The following SMIM35 variants were observed in gnomAD, a reference collection of about 807,000 sequenced individuals.
SMIM35 encodes the protein small integral membrane protein 35.
At chr11:118,050,726 G>A (rs544833219) in intron 1 of SMIM35, among the ~76,000 whole-genome samples, 1 of 152,316 alleles carries the variant, frequency 6.6e-6, no homozygotes, top group South Asian at 2.1e-4. Flanking sequence ...GGGTTGCTTT[G>A]ATTGGTTGCA....
intron 1 of SMIM35, among the ~76,000 whole-genome samples, chr11:118,065,990 A>T (rs1378447039): frequency 6.6e-6 from 1 of 152,050 alleles, no homozygotes; most frequent in African/African-American, 2.4e-5. Context: ...TTTACTCATC[A>T]TGACCATGAC....
At chr11:118,054,911 C>T (rs1278810603) in intron 1 of SMIM35, among the ~76,000 whole-genome samples, 1 of 151,238 alleles carries the variant, frequency 6.6e-6, no homozygotes, top group East Asian at 1.9e-4. Context: ...TCAAGCGATT[C>T]TCCTACCTCA....
rs556299232 is a variant in SMIM35 at position 118,044,966 on chromosome 11, G to A, written c.8-29157C>T. Among the ~76,000 whole-genome samples, 12 of 152,090 alleles carry A rather than the reference G, an allele frequency of 7.9e-5. No homozygotes were observed. In the East Asian group the frequency reaches 9.6e-4, roughly 12 times the overall value. On this transcript the variant is annotated intron_variant, in intron 1 of 4. Coordinates refer to ENST00000689828, the MANE Select transcript of SMIM35 (RefSeq NM_001394165.1). The stretch of plus-strand genomic sequence containing the variant: ...GAAGAAGCAAGCAGCACAACCCCCT[G>A]GAAGATTAGCAACACATCAAACAAA...
intron 4 of SMIM35, 88 bp from the exon 5 acceptor site, chr11:118,006,464 A>G (rs559643405): frequency 9.8e-5 from 15 of 152,348 alleles, no homozygotes; most frequent in Admixed American, 3.3e-4. Flanking sequence ...TACATGCAGT[A>G]CTGACTGTAG....
At chr11:118,035,643 G>A (rs1591289296) in intron 1 of SMIM35, among the ~76,000 whole-genome samples, 1 of 152,100 alleles carries the variant, frequency 6.6e-6, no homozygotes, top group Non-Finnish European at 1.5e-5. Flanking sequence ...CCCTCCTCAG[G>A]TGTGGAGGAG....
chr11:118,085,864 A>G (rs4938477), intron 1 of SMIM35, among the ~76,000 whole-genome samples: 55,775 of 152,048 alleles, frequency 0.37, 10,514 homozygotes, highest in South Asian at 0.52. Context: ...AGGTGGGCTC[A>G]GATGGACCCA....
chr11:118,019,165 C>G (rs774320073), intron 1 of SMIM35, among the ~76,000 whole-genome samples: 3 of 152,146 alleles, frequency 2.0e-5, no homozygotes, highest in Non-Finnish European at 2.9e-5. Context: ...TGTTTTCAAA[C>G]TTTATGAAAA....
intron 1 of SMIM35, among the ~76,000 whole-genome samples, chr11:118,046,729 T>G (rs1052717587): frequency 1.3e-5 from 2 of 152,126 alleles, no homozygotes; most frequent in Non-Finnish European, 2.9e-5. Context: ...AATTTGTAAT[T>G]TTCAATAAGC....
chr11:118,010,820 T>C (rs2058146217), intron 4 of SMIM35, among the ~76,000 whole-genome samples: 1 of 152,142 alleles, frequency 6.6e-6, no homozygotes, highest in Non-Finnish European at 1.5e-5. Context: ...CGTGACTGCC[T>C]CTGGGCTCTT....
intron 1 of SMIM35, among the ~76,000 whole-genome samples, chr11:118,044,417 T>A (rs1944059666): frequency 6.6e-6 from 1 of 151,816 alleles, no homozygotes; most frequent in Non-Finnish European, 1.5e-5. Flanking sequence ...TTGGATGAAC[T>A]GACCTAAAGC....
At chr11:118,051,507 T>C (rs778396664) in intron 1 of SMIM35, among the ~76,000 whole-genome samples, 24 of 152,240 alleles carry the variant, frequency 1.6e-4, no homozygotes, top group Non-Finnish European at 3.1e-4. Flanking sequence ...GACCCTCATA[T>C]TGAACACCCA....
chr11:118,060,301 A>G (rs1305383720), intron 1 of SMIM35, among the ~76,000 whole-genome samples: 2 of 152,102 alleles, frequency 1.3e-5, no homozygotes, highest in African/African-American at 4.8e-5. Context: ...CTCCCCTGAC[A>G]AGAGTCTCAG....
intron 1 of SMIM35, among the ~76,000 whole-genome samples, chr11:118,082,906 G>T (rs1005993295): frequency 6.6e-6 from 1 of 152,214 alleles, no homozygotes; most frequent in African/African-American, 2.4e-5. Context: ...CGGCGAGTGG[G>T]TTCCCCAAGC....
chr11:118,056,115 G>A (rs970091091), intron 1 of SMIM35, among the ~76,000 whole-genome samples: 3 of 152,164 alleles, frequency 2.0e-5, no homozygotes, highest in Non-Finnish European at 4.4e-5. Context: ...CGATCAAGTG[G>A]TGGATGGGGC....
At chr11:118,051,993 T>C (rs1432157476) in intron 1 of SMIM35, among the ~76,000 whole-genome samples, 1 of 152,172 alleles carries the variant, frequency 6.6e-6, no homozygotes, top group Non-Finnish European at 1.5e-5. Context: ...GGAACAGTAC[T>C]GCCTGCCTCC....
In SMIM35 at chr11:118,071,765, C is replaced by A. The variant is rs77820696; in HGVS notation, c.7+14986G>T. On this transcript the variant is annotated intron_variant, in intron 1 of 4. Coordinates refer to ENST00000689828, the MANE Select transcript of SMIM35 (RefSeq NM_001394165.1). Reference sequence around the variant, plus strand: ...TCACTTCAGAAATAATAGCCTCTACCCACTCCTGAGTGTGGGAAGAGACCT... The same window carrying A: ...TCACTTCAGAAATAATAGCCTCTACACACTCCTGAGTGTGGGAAGAGACCT... 1.1e-4 allele frequency among the ~76,000 whole-genome samples: 16 copies of A among 152,290 alleles called. No individual in the cohort carries two copies. In the East Asian group the frequency reaches 2.9e-3, roughly 28 times the overall value.
chr11:118,057,705 G>T (rs1034392497), intron 1 of SMIM35, among the ~76,000 whole-genome samples: 1 of 152,174 alleles, frequency 6.6e-6, no homozygotes, highest in South Asian at 2.1e-4. Flanking sequence ...GATTCGCCTC[G>T]GAGGCTGAAA....
intron 1 of SMIM35, among the ~76,000 whole-genome samples, chr11:118,035,520 T>C (rs2512138): frequency 0.031 from 4,692 of 152,206 alleles, 213 homozygotes; most frequent in African/African-American, 0.1. Context: ...GTATGTTCTA[T>C]GAAAAAGTAC....
chr11:118,045,719 C>T (rs766254441), intron 1 of SMIM35, among the ~76,000 whole-genome samples: 1 of 152,206 alleles, frequency 6.6e-6, no homozygotes, highest in Non-Finnish European at 1.5e-5. Context: ...GCTCTCTAAA[C>T]TTTACCTTCA....
Sources: gnomAD v4.1 joint callset for allele counts (sites outside exome capture counted in the v4.1 genomes callset) on GRCh38, gnomAD v4.1.1 for gene constraint, MANE v1.5 for transcripts, NCBI Gene and HGNC (gene_info 2026-07-23, HGNC 2026-07-21) for gene names.